Variants in GREB1L observed in about 807,000 individuals in gnomAD.
The protein encoded by GREB1L is GREB1-like protein.
Under a neutral mutation model 200.8 loss-of-function variants are expected in GREB1L, and 17 were observed. The ratio of observed to expected loss-of-function variants is 0.08; its 90% CI spans 0.06 to 0.13. The LOEUF (loss-of-function observed/expected upper bound fraction) is 0.13. Ranked by LOEUF, GREB1L falls within the 10% of genes least tolerant of loss-of-function variation. The pLI, the probability that GREB1L is intolerant of heterozygous loss-of-function variation, is 1.00. For synonymous variants in GREB1L, 789 were observed against 893.0 expected (o/e 0.88, Z 2.08); for missense variants, 1,657 against 2,367.7 (o/e 0.70, Z 6.23).
intron 1 of GREB1L, among the ~76,000 whole-genome samples, chr18:21,333,531 TG>T (rs2039138396): frequency 6.6e-6 from 1 of 151,790 alleles, no homozygotes; most frequent in Non-Finnish European, 1.5e-5. Context: ...AAAAATTAGC[TG>T]GGTGTGGTGG....
chr18:21,411,011 G>A (rs2030935515), intron 7 of GREB1L, among the ~76,000 whole-genome samples: 1 of 152,010 alleles, frequency 6.6e-6, no homozygotes, highest in African/African-American at 2.4e-5. Context: ...AATAAGAGAA[G>A]TATGTCAATA....
intron 1 of GREB1L, among the ~76,000 whole-genome samples, chr18:21,249,692 T>TAA (rs375216761): frequency 7.5e-5 from 11 of 145,920 alleles, no homozygotes; most frequent in African/African-American, 2.7e-4. Context: ...CTGTCTCTAC[T>TAA]AAAAAAAAAA....
chr18:21,358,329 G>A (rs191962964), intron 1 of GREB1L, among the ~76,000 whole-genome samples: 190 of 152,116 alleles, frequency 1.2e-3, no homozygotes, highest in Admixed American at 3.5e-3. Context: ...ATGTAGAGAC[G>A]GAGTCTTGCT....
rs146104394 is a variant in GREB1L at position 21,344,403 on chromosome 18, A to AAAC, written c.-119-21593_-119-21591dup. ...GCGACAGAGCAAAACTCTGTCTCAAAAACAACAACAACAACAACAACAACA... is the reference window on the plus strand; with the variant it reads ...GCGACAGAGCAAAACTCTGTCTCAAAAACAACAACAACAACAACAACAACAACA... On this transcript the variant is annotated intron_variant, in intron 1 of 32. Coordinates refer to ENST00000424526, the MANE Select transcript of GREB1L (RefSeq NM_001142966.3). 4.7e-3 allele frequency among the ~76,000 whole-genome samples: 709 copies of AAAC among 150,336 alleles called. 2 individuals are homozygous for AAAC. Among genetic ancestry groups the AAAC allele is most frequent in the South Asian group, 0.013 (62 of 4,760 alleles).
intron 1 of GREB1L, among the ~76,000 whole-genome samples, chr18:21,270,291 T>C (rs1438582425): frequency 6.6e-6 from 1 of 151,858 alleles, no homozygotes; most frequent in Non-Finnish European, 1.5e-5. Context: ...GGCTGATGGG[T>C]TTTTTAGGGA....
chr18:21,443,181 G>A (rs1238279861), intron 10 of GREB1L, among the ~76,000 whole-genome samples: 1 of 151,646 alleles, frequency 6.6e-6, no homozygotes, highest in Non-Finnish European at 1.5e-5. Context: ...GGGATTATAG[G>A]CGTGAGCTGC....
At chr18:21,446,684 C>T (rs571194102) in intron 11 of GREB1L, among the ~76,000 whole-genome samples, 1 of 152,186 alleles carries the variant, frequency 6.6e-6, no homozygotes, top group East Asian at 1.9e-4. Flanking sequence ...TTTCTTGCCT[C>T]TGGAGGTTTC....
At chr18:21,336,528 C>T (rs760138213) in intron 1 of GREB1L, among the ~76,000 whole-genome samples, 1 of 152,152 alleles carries the variant, frequency 6.6e-6, no homozygotes, top group Non-Finnish European at 1.5e-5. Context: ...CCCAGCTGCC[C>T]GCATACCTAT....
chr18:21,505,972 G>A (rs1485339059), intron 25 of GREB1L, 23 bp downstream of exon 25: 15 of 1,544,720 alleles, frequency 9.7e-6, no homozygotes, highest in Admixed American at 4.0e-5. Context: ...CTTCGCCCTC[G>A]CCCTCTGTCA....
At chr18:21,463,424 C>G (rs1388320743) in intron 15 of GREB1L, among the ~76,000 whole-genome samples, 1 of 151,916 alleles carries the variant, frequency 6.6e-6, no homozygotes, top group East Asian at 1.9e-4. Flanking sequence ...GGATTACAGG[C>G]GTGAGCCACC....
intron 1 of GREB1L, among the ~76,000 whole-genome samples, chr18:21,252,900 A>T (rs1320303944): frequency 6.6e-6 from 1 of 152,220 alleles, no homozygotes; most frequent in Non-Finnish European, 1.5e-5. Flanking sequence ...GCTATAAAAC[A>T]TAATTTCCCA....
intron 16 of GREB1L, among the ~76,000 whole-genome samples, chr18:21,475,812 CA>C (rs1435140869): frequency 6.6e-6 from 1 of 151,108 alleles, no homozygotes; most frequent in African/African-American, 2.4e-5. Context: ...ACCAAAAATA[CA>C]AAAAAATTAG....
In GREB1L at chr18:21,516,714, TTG is replaced by T. The variant is rs778115381; in HGVS notation, c.5232_5233del (p.Gly1745ArgfsTer8). 7.1e-6 allele frequency: 11 copies of T among 1,551,414 alleles called. No individual in the cohort carries two copies. The highest frequency in any genetic ancestry group is 9.6e-6 in the Non-Finnish European group (11 of 1,146,914). ...AGTCTCATGAAGAAACATGTTCAGG[TTG>T]GAGGGCAAAGGGACTTTATCATTAA... On this transcript the variant is annotated frameshift_variant, in exon 30 of 33. Transcript: ENST00000424526. LOFTEE classifies it high-confidence loss of function.
chr18:21,458,272 A>G (rs1290259206), intron 15 of GREB1L, among the ~76,000 whole-genome samples: 2 of 152,064 alleles, frequency 1.3e-5, no homozygotes, highest in South Asian at 2.1e-4. Context: ...CGCCCGGCCC[A>G]AGGACAGTTT....
intron 1 of GREB1L, among the ~76,000 whole-genome samples, chr18:21,247,672 C>A (rs928736755): frequency 6.6e-6 from 1 of 152,154 alleles, no homozygotes; most frequent in East Asian, 1.9e-4. Flanking sequence ...AATTACCAAC[C>A]TTCTGGATAG....
chr18:21,383,816 A>C, intron 3 of GREB1L, 141 bp downstream of exon 3: 2 of 796,950 alleles, frequency 2.5e-6, no homozygotes, highest in Non-Finnish European at 2.0e-6. Context: ...GGGTTCAAGC[A>C]ATTCTCCTGC....
At position 21,441,600 on chromosome 18, in the gene GREB1L, A is replaced by G. The variant is rs370670953; in HGVS notation, c.1207+63A>G. ...GAATCTAGGAGTGTTTTTCCATTTC[A>G]TTGTGTTTTTTCATGTATTCATGAA... On this transcript the variant is annotated intron_variant, in intron 10 of 32. Coordinates refer to ENST00000424526, the MANE Select transcript of GREB1L (RefSeq NM_001142966.3). 103 of 1,429,394 alleles carry G rather than the reference A, an allele frequency of 7.2e-5. No individual in the cohort carries two copies. In the African/African-American group the frequency reaches 1.4e-3, roughly 19 times the overall value. The allele number at this position is 1,429,394 out of a possible 1,614,324, so 88.5% of individuals were successfully genotyped here. A position where few individuals can be genotyped will look rare whatever the true frequency, so the allele number is the denominator to read the frequency against.
At chr18:21,520,587 C>T in intron 31 of GREB1L, 101 bp from the exon 32 acceptor site, 2 of 1,314,216 alleles carry the variant, frequency 1.5e-6, no homozygotes, top group Non-Finnish European at 2.1e-6. Context: ...TTTACCTTAT[C>T]CTGAAATAGA....
chr18:21,481,893 A>G (rs977484767), intron 17 of GREB1L, among the ~76,000 whole-genome samples: 11 of 152,190 alleles, frequency 7.2e-5, no homozygotes, highest in Admixed American at 3.9e-4. Flanking sequence ...TTTATTTCAC[A>G]TAGTACTGCT....
Sources: allele counts gnomAD v4.1 joint callset (sites outside exome capture counted in the v4.1 genomes callset), GRCh38; gene constraint gnomAD v4.1.1; transcripts MANE v1.5; gene names NCBI Gene and HGNC (gene_info 2026-07-23, HGNC 2026-07-21).